The following CACNA2D3 variants were observed in gnomAD, a reference collection of about 807,000 sequenced individuals.
CACNA2D3 encodes the protein voltage-dependent calcium channel subunit alpha-2/delta-3.
In CACNA2D3, 60 loss-of-function variants were observed where a neutral mutation model predicts 160.6. That is an observed-to-expected ratio of 0.37 (90% CI 0.30 to 0.46). The LOEUF is 0.46. Ranked by LOEUF, CACNA2D3 falls within the 20% of genes least tolerant of loss-of-function variation. The pLI is 1.00. For missense variants in CACNA2D3, 1,205 were observed against 1,365.0 expected (o/e 0.88, Z 1.85); for synonymous variants, 558 against 492.9 (o/e 1.13, Z -1.75).
At chr3:54,688,678 G>A (rs753443702) in intron 11 of CACNA2D3, among the ~76,000 whole-genome samples, 132 of 151,578 alleles carry the variant, frequency 8.7e-4, no homozygotes, top group Non-Finnish European at 1.3e-3. Flanking sequence ...CAGAGAAAGA[G>A]CTCAAAAGCC....
Position 54,973,018 on chromosome 3 carries a change from C to A in CACNA2D3, c.2556+3174C>A, listed in dbSNP as rs182937044. 4.6e-5 allele frequency among the ~76,000 whole-genome samples: 7 copies of A among 152,212 alleles called. No individual in the cohort carries two copies. In the East Asian group the frequency reaches 1.4e-3, roughly 29 times the overall value. ...AGCAGGAGAGATAAACTTATATGATCATCAATTGTGGTAAGTCCTGCAGAG... is the reference window on the plus strand; with the variant it reads ...AGCAGGAGAGATAAACTTATATGATAATCAATTGTGGTAAGTCCTGCAGAG... On this transcript the variant is annotated intron_variant, in intron 29 of 37. Transcript: ENST00000474759.
At chr3:54,730,857 A>G (rs924966714) in intron 11 of CACNA2D3, among the ~76,000 whole-genome samples, 2 of 152,214 alleles carry the variant, frequency 1.3e-5, no homozygotes, top group African/African-American at 4.8e-5. Flanking sequence ...TACATTGCAC[A>G]GCTTGCAACA....
At chr3:54,540,660 C>T (rs1301313884) in intron 5 of CACNA2D3, among the ~76,000 whole-genome samples, 1 of 152,010 alleles carries the variant, frequency 6.6e-6, no homozygotes, top group Non-Finnish European at 1.5e-5. Context: ...TTCCTGTGTC[C>T]TCAGATGGCA....
chr3:54,931,719 A>G (rs565233940), intron 27 of CACNA2D3, among the ~76,000 whole-genome samples: 10 of 152,292 alleles, frequency 6.6e-5, no homozygotes, highest in African/African-American at 2.4e-4. Context: ...TCTGAGACAT[A>G]TTCTTTTGCC....
At chr3:54,483,050 G>C (rs937902327) in intron 4 of CACNA2D3, among the ~76,000 whole-genome samples, 5 of 152,178 alleles carry the variant, frequency 3.3e-5, no homozygotes, top group African/African-American at 1.2e-4. Context: ...TGCTAATTGA[G>C]AGAATGAATG....
intron 2 of CACNA2D3, among the ~76,000 whole-genome samples, chr3:54,142,470 G>A (rs375655309): frequency 6.6e-6 from 1 of 152,102 alleles, no homozygotes; most frequent in Non-Finnish European, 1.5e-5. Context: ...CATTATAGCT[G>A]ACCTTGATTT....
intron 2 of CACNA2D3, among the ~76,000 whole-genome samples, chr3:54,183,899 A>G (rs1381198805): frequency 2.0e-5 from 3 of 146,854 alleles, no homozygotes; most frequent in African/African-American, 2.5e-5. Context: ...AAAGAAAAAA[A>G]AAAAAAAAAA....
At chr3:54,365,100 C>A (rs926050246) in intron 3 of CACNA2D3, among the ~76,000 whole-genome samples, 2 of 152,202 alleles carry the variant, frequency 1.3e-5, no homozygotes, top group African/African-American at 4.8e-5. Flanking sequence ...AAACCTGGCT[C>A]AATTTACCAA....
intron 2 of CACNA2D3, among the ~76,000 whole-genome samples, chr3:54,284,415 T>G (rs2107467206): frequency 6.6e-6 from 1 of 152,118 alleles, no homozygotes; most frequent in South Asian, 2.1e-4. Flanking sequence ...GCTTTGTATT[T>G]GTTATATTGA....
chr3:54,443,120 G>A (rs1303959035), intron 4 of CACNA2D3, among the ~76,000 whole-genome samples: 1 of 152,162 alleles, frequency 6.6e-6, no homozygotes, highest in South Asian at 2.1e-4. Flanking sequence ...GGAGAAAGTA[G>A]CAAAGGGAAA....
rs747255408 is a variant in CACNA2D3, at chr3:54,752,586, G to T, written c.1168-13G>T. On this transcript the variant is annotated splice_polypyrimidine_tract_variant and intron_variant, in intron 11 of 37. Transcript: ENST00000474759. The stretch of plus-strand genomic sequence containing the variant: ...GTGAATGCCGCTCAGCCATGCGTTT[G>T]TCTTCCCTTCAGGTTCGCATCTTCA... 63 of 1,609,422 alleles carry T rather than the reference G, an allele frequency of 3.9e-5. 2 individuals are homozygous for T. The South Asian group carries it at 6.0e-4, about 15-fold the overall frequency.
intron 4 of CACNA2D3, among the ~76,000 whole-genome samples, chr3:54,434,301 G>A (rs1262968857): frequency 6.6e-6 from 1 of 152,196 alleles, no homozygotes; most frequent in Non-Finnish European, 1.5e-5. Flanking sequence ...TGAATACGGC[G>A]ATGAAAGTTT....
intron 11 of CACNA2D3, among the ~76,000 whole-genome samples, chr3:54,750,822 T>G (rs1701842196): frequency 6.6e-6 from 1 of 150,544 alleles, no homozygotes; most frequent in Non-Finnish European, 1.5e-5. Context: ...CAGGCTGGAG[T>G]GCAGTGGCGC....
chr3:54,704,359 T>A lies in CACNA2D3; in HGVS notation c.1168-48240T>A, dbSNP rs1456420993. Among the ~76,000 whole-genome samples, 4 of 152,216 alleles carry A rather than the reference T, an allele frequency of 2.6e-5. No homozygotes were observed. The East Asian group carries it at 7.7e-4, about 29-fold the overall frequency. Reference sequence around the variant, plus strand: ...GCAGTTTAAGTATGTTCCTTAAACATTTTTAACTGACTTGTAAGGACAGCT... The same window carrying A: ...GCAGTTTAAGTATGTTCCTTAAACAATTTTAACTGACTTGTAAGGACAGCT... On this transcript the variant is annotated intron_variant, in intron 11 of 37. Transcript: ENST00000474759.
At chr3:54,755,097 C>T (rs185340021) in intron 12 of CACNA2D3, among the ~76,000 whole-genome samples, 32 of 152,300 alleles carry the variant, frequency 2.1e-4, no homozygotes, top group Admixed American at 1.7e-3. Context: ...CATCCATCCA[C>T]GCAACAATAC....
At chr3:54,344,279 A>G (rs1698416732) in intron 3 of CACNA2D3, among the ~76,000 whole-genome samples, 1 of 151,946 alleles carries the variant, frequency 6.6e-6, no homozygotes, top group African/African-American at 2.4e-5. Context: ...TGGTGTCTGG[A>G]CTTCTGACTT....
chr3:54,788,323 G>A (rs548002851), intron 13 of CACNA2D3, among the ~76,000 whole-genome samples: 1 of 152,238 alleles, frequency 6.6e-6, no homozygotes, highest in Non-Finnish European at 1.5e-5. Flanking sequence ...AACTGGTTTT[G>A]TCTAATATTC....
At chr3:54,785,770 T>C (rs908230439) in intron 13 of CACNA2D3, among the ~76,000 whole-genome samples, 6 of 152,190 alleles carry the variant, frequency 3.9e-5, no homozygotes, top group African/African-American at 1.4e-4. Flanking sequence ...TGTTATATCT[T>C]GTCCCTGGTA....
At chr3:54,179,567 G>T (rs1700743234) in intron 2 of CACNA2D3, among the ~76,000 whole-genome samples, 1 of 152,178 alleles carries the variant, frequency 6.6e-6, no homozygotes, top group Non-Finnish European at 1.5e-5. Flanking sequence ...GAATGCTTAT[G>T]TTCCCTCAAA....
Sources: gnomAD v4.1 joint callset for allele counts (sites outside exome capture counted in the v4.1 genomes callset) on GRCh38, gnomAD v4.1.1 for gene constraint, MANE v1.5 for transcripts, NCBI Gene and HGNC (gene_info 2026-07-23, HGNC 2026-07-21) for gene names.